DNAAF11: variants seen among roughly 807,000 people sequenced by gnomAD.
DNAAF11 encodes the protein dynein axonemal assembly factor 11, also known as leucine rich repeat containing 6.
In DNAAF11, 45 loss-of-function variants were observed where a neutral mutation model predicts 60.8. The observed-to-expected ratio is 0.74, with a 90% CI of 0.58 to 0.95. The LOEUF (loss-of-function observed/expected upper bound fraction) is 0.95, where lower values mean the gene tolerates loss of function less well. Ranked by LOEUF, DNAAF11 falls within the 40% of genes least tolerant of loss-of-function variation. The probability of loss-of-function intolerance (pLI) is 0.00; values close to 1 mark genes in which losing one functional copy is unlikely to be tolerated. For synonymous variants in DNAAF11, 191 were observed against 183.5 expected (o/e 1.04, Z -0.33); for missense variants, 546 against 546.2 (o/e 1.00, Z 0.00).
chr8:132,578,446 C>A, intron 11 of DNAAF11: 4 of 1,523,114 alleles, frequency 2.6e-6, no homozygotes, highest in Non-Finnish European at 3.5e-6. Flanking sequence ...GCCTCTAGGA[C>A]GGACGCCCAT....
At chr8:132,694,210 A>C in the DNAAF11 span, among the ~76,000 whole-genome samples, 1 of 152,224 alleles carries the variant, frequency 6.6e-6, no homozygotes, top group Non-Finnish European at 1.5e-5. Flanking sequence ...AATATAGAAA[A>C]GAAATTAGAG....
Position 132,621,995 on chromosome 8 carries a change from G to A in DNAAF11, c.914+616C>T, listed in dbSNP as rs1453312763. Reference sequence around the variant, plus strand: ...AAATAGGTTTGAGTAATAAAATGAAGTGAATGAGATTTAGTCTGTAGGCTC... The same window carrying A: ...AAATAGGTTTGAGTAATAAAATGAAATGAATGAGATTTAGTCTGTAGGCTC... On this transcript the variant is annotated intron_variant, in intron 7 of 11. Coordinates refer to ENST00000620350, the MANE Select transcript of DNAAF11 (RefSeq NM_012472.6). 3.3e-5 allele frequency among the ~76,000 whole-genome samples: 5 copies of A among 152,194 alleles called. No homozygotes were observed. In the East Asian group the frequency reaches 9.6e-4, roughly 29 times the overall value.
chr8:132,675,988 A>C (rs1474827528), upstream of DNAAF11, among the ~76,000 whole-genome samples: 1 of 152,202 alleles, frequency 6.6e-6, no homozygotes, highest in East Asian at 1.9e-4. Flanking sequence ...TAAGATGAGA[A>C]ATAACCTAAG....
At chr8:132,611,473 A>G in intron 8 of DNAAF11, 110 bp from the exon 9 acceptor site, 1 of 573,754 alleles carries the variant, frequency 1.7e-6, no homozygotes, top group Non-Finnish European at 3.1e-6. Flanking sequence ...GGCGTTTAAA[A>G]TATCCATGCA....
At chr8:132,701,890 CCCCCTCT>C in the DNAAF11 span, among the ~76,000 whole-genome samples, 1 of 152,154 alleles carries the variant, frequency 6.6e-6, no homozygotes, top group African/African-American at 2.4e-5. Context: ...GGCCCAAAGT[CCCCCTCT>C]CTAGGTGGCC....
At position 132,632,916 on chromosome 8, in the gene DNAAF11, C is replaced by T. The variant is rs1168957065; in HGVS notation, c.477G>A (p.Leu159=). The change falls in exon 5 of 12, where the codon TTG becomes TTA. Residue 159 remains leucine (L), a synonymous_variant. Coordinates refer to ENST00000620350, the MANE Select transcript of DNAAF11 (RefSeq NM_012472.6). ...EIEPSERIKA[L]QDYSVIEPQI... is the part of the protein sequence containing the mutation. ...GTGGTTCAATTACTGAATAGTCCTG[C>T]AATGCCTTAATCCTTTCTGAAGGCT... 1.2e-6 allele frequency: 2 copies of T among 1,613,854 alleles called. No homozygotes were observed. Among genetic ancestry groups the T allele is most frequent in the Non-Finnish European group, 1.7e-6 (2 of 1,179,898 alleles).
At chr8:132,702,685 C>T in the DNAAF11 span, among the ~76,000 whole-genome samples, 1 of 152,188 alleles carries the variant, frequency 6.6e-6, no homozygotes, top group Non-Finnish European at 1.5e-5. Context: ...TGTTTAATCT[C>T]ATAAAAGTTA....
intron 1 of DNAAF11, among the ~76,000 whole-genome samples, chr8:132,664,778 C>T (rs1586736243): frequency 1.3e-5 from 2 of 152,214 alleles, no homozygotes; most frequent in East Asian, 3.9e-4. Context: ...AAACTCTCTT[C>T]ATCAAGGTAT....
chr8:132,595,348 G>GAAAAAAAAAAAA lies in DNAAF11; in HGVS notation c.1141-11581_1141-11570dup, dbSNP rs71306394. 3.5e-4 allele frequency among the ~76,000 whole-genome samples: 20 copies of GAAAAAAAAAAAA among 57,410 alleles called. 2 individuals are homozygous for GAAAAAAAAAAAA. Among genetic ancestry groups the GAAAAAAAAAAAA allele is most frequent in the African/African-American group, 2.1e-3 (19 of 8,936 alleles). 37.7% of individuals were successfully genotyped at this position (57,410 alleles called of 152,430 possible). A position where few individuals can be genotyped will look rare whatever the true frequency, so the allele number is the denominator to read the frequency against. On this transcript the variant is annotated intron_variant, in intron 10 of 11. Transcript: ENST00000620350. ...TCCCGAAAGAGAGAGAGACAGAGGG[G>GAAAAAAAAAAAA]AAAAAAAAAAAAAAAAAAAAAAAAA...
chr8:132,671,420 T>C (rs1214389291), intron 1 of DNAAF11, among the ~76,000 whole-genome samples: 1 of 152,164 alleles, frequency 6.6e-6, no homozygotes, highest in Admixed American at 6.5e-5. Context: ...TGTTTTTGGG[T>C]CAGAAGATTC....
chr8:132,628,394 AGAGT>A (rs1428382884), intron 5 of DNAAF11, among the ~76,000 whole-genome samples: 1 of 152,102 alleles, frequency 6.6e-6, no homozygotes, highest in Non-Finnish European at 1.5e-5. Flanking sequence ...CCTGGGTGAC[AGAGT>A]GAGACTCCAT....
intron 3 of DNAAF11, among the ~76,000 whole-genome samples, chr8:132,652,445 T>A (rs1322595540): frequency 1.3e-5 from 2 of 151,984 alleles, no homozygotes; most frequent in African/African-American, 2.4e-5. Flanking sequence ...ATGAAAAAAA[T>A]TGACAGCAAA....
chr8:132,590,030 C>T (rs181678174), intron 10 of DNAAF11, among the ~76,000 whole-genome samples: 348 of 152,294 alleles, frequency 2.3e-3, no homozygotes, highest in Non-Finnish European at 2.9e-3. Flanking sequence ...GGTGTCTTAA[C>T]GCATAGTACA....
chr8:132,642,703 A>G (rs1216998023), intron 3 of DNAAF11, among the ~76,000 whole-genome samples: 1 of 152,232 alleles, frequency 6.6e-6, no homozygotes, highest in Non-Finnish European at 1.5e-5. Flanking sequence ...TAACTGAAGC[A>G]ACCATCTTGG....
chr8:132,698,942 A>G, the DNAAF11 span, among the ~76,000 whole-genome samples: 3 of 75,502 alleles, frequency 4.0e-5, no homozygotes, highest in African/African-American at 2.5e-4. Context: ...GTATACATAT[A>G]TATATATATA....
At chr8:132,656,974 T>C (rs1042598024) in intron 2 of DNAAF11, 67 bp from the exon 3 acceptor site, 7 of 566,892 alleles carry the variant, frequency 1.2e-5, no homozygotes, top group Non-Finnish European at 2.2e-5. Context: ...ATGTAATCTA[T>C]TACTAAAATA....
the DNAAF11 span, among the ~76,000 whole-genome samples, chr8:132,692,485 C>T: frequency 6.6e-6 from 1 of 152,278 alleles, no homozygotes; most frequent in African/African-American, 2.4e-5. Flanking sequence ...CTGCATGCAG[C>T]CAGGCACAGC....
chr8:132,618,938 C>T (rs1234575888), intron 7 of DNAAF11, among the ~76,000 whole-genome samples: 3 of 151,984 alleles, frequency 2.0e-5, no homozygotes. Flanking sequence ...CCCAGCCATC[C>T]CATTACTGGA....
At chr8:132,599,509 G>A (rs1292785545) in intron 10 of DNAAF11, among the ~76,000 whole-genome samples, 3 of 152,046 alleles carry the variant, frequency 2.0e-5, no homozygotes, top group Non-Finnish European at 4.4e-5. Context: ...GATGAACATC[G>A]GTGCAAAAAT....
Sources: gnomAD v4.1 joint callset for allele counts (sites outside exome capture counted in the v4.1 genomes callset) on GRCh38, gnomAD v4.1.1 for gene constraint, MANE v1.5 for transcripts, NCBI Gene and HGNC (gene_info 2026-07-23, HGNC 2026-07-21) for gene names.